The following KHDRBS2 variants were observed in gnomAD, a reference collection of about 807,000 sequenced individuals.
The protein encoded by KHDRBS2 is KH RNA binding domain containing, signal transduction associated 2.
KHDRBS2 carries 26 observed loss-of-function variants against 44.3 expected under a neutral mutation model. That is an observed-to-expected ratio of 0.59 (90% CI 0.43 to 0.81). The LOEUF (loss-of-function observed/expected upper bound fraction) is 0.81. Ranked by LOEUF, KHDRBS2 falls within the 40% of genes least tolerant of loss-of-function variation. The pLI is 0.00. For synonymous variants in KHDRBS2, 194 were observed against 151.1 expected, an observed-to-expected ratio of 1.28 and a Z score of -2.08; for missense variants, 476 against 433.1, an observed-to-expected ratio of 1.10 and a Z score of -0.88.
intron 4 of KHDRBS2, among the ~76,000 whole-genome samples, chr6:61,922,690 G>A (rs562850343): frequency 1.2e-3 from 187 of 152,176 alleles, no homozygotes; most frequent in Non-Finnish European, 2.0e-3. Context: ...ATCAGTGATA[G>A]GGAATAATTA....
chr6:61,967,406 GA>G (rs1484022124), intron 4 of KHDRBS2, among the ~76,000 whole-genome samples: 3 of 20,760 alleles, frequency 1.4e-4, no homozygotes, highest in Non-Finnish European at 2.9e-4. Flanking sequence ...ATAGATGATA[GA>G]TAGATAGACA....
chr6:62,159,557 A>AATTATGTAG (rs1817184065), intron 2 of KHDRBS2, among the ~76,000 whole-genome samples: 4 of 152,120 alleles, frequency 2.6e-5, no homozygotes, highest in Admixed American at 2.6e-4. Flanking sequence ...GAGACTACAT[A>AATTATGTAG]ATTAAAGTTG....
intron 3 of KHDRBS2, among the ~76,000 whole-genome samples, chr6:61,983,200 T>TTTTCTTTATTTC (rs1774251673): frequency 2.2e-5 from 1 of 45,988 alleles, no homozygotes; most frequent in Non-Finnish European, 3.8e-5. Flanking sequence ...GTTTTTTTCA[T>TTTTCTTTATTTC]TTTCTTTCTT....
chr6:61,780,524 A>G (rs1782776371), intron 6 of KHDRBS2, among the ~76,000 whole-genome samples: 1 of 149,214 alleles, frequency 6.7e-6, no homozygotes, highest in African/African-American at 2.5e-5. Context: ...ATATAATAAA[A>G]TAAGCAAAAC....
intron 6 of KHDRBS2, among the ~76,000 whole-genome samples, chr6:61,771,624 C>T (rs1780925436): frequency 6.6e-6 from 1 of 152,138 alleles, no homozygotes; most frequent in South Asian, 2.1e-4. Flanking sequence ...ATCAATTCCA[C>T]AAGAAGAGCT....
intron 1 of KHDRBS2, among the ~76,000 whole-genome samples, chr6:62,210,565 A>G (rs182177870): frequency 2.5e-3 from 376 of 152,124 alleles, no homozygotes; most frequent in Non-Finnish European, 2.7e-3. Flanking sequence ...TCCTGACCTC[A>G]GGTGATCCGC....
the KHDRBS2 span, among the ~76,000 whole-genome samples, chr6:61,618,891 A>C: frequency 6.6e-6 from 1 of 152,150 alleles, no homozygotes; most frequent in Non-Finnish European, 1.5e-5. Flanking sequence ...GCTCTTTCTC[A>C]AATGCGTTAT....
intron 6 of KHDRBS2, among the ~76,000 whole-genome samples, chr6:61,867,074 C>T (rs113381951): frequency 0.01 from 1,598 of 152,292 alleles, 30 homozygotes; most frequent in African/African-American, 0.037. Flanking sequence ...GGTATCTTTT[C>T]AGCAGAGCCC....
rs1378227439 is a variant in KHDRBS2 at position 61,699,847 on chromosome 6, C to T, written c.894-2594G>A. Among the ~76,000 whole-genome samples the T allele has an allele frequency of 2.0e-5, 3 of 152,034 alleles. No homozygotes were observed. In the East Asian group the frequency reaches 5.8e-4, roughly 30 times the overall value. On this transcript the variant is annotated intron_variant, in intron 7 of 8. Coordinates refer to ENST00000281156, the MANE Select transcript of KHDRBS2 (RefSeq NM_152688.4). ...ATTGCCTAGCTCAGCCCTCACTGCC[C>T]AACATGTTTACATTCAAACTGTCTA... is the stretch of plus-strand genomic sequence containing the variant.
At chr6:61,864,003 G>C (rs1797415219) in intron 6 of KHDRBS2, among the ~76,000 whole-genome samples, 1 of 152,066 alleles carries the variant, frequency 6.6e-6, no homozygotes, top group Non-Finnish European at 1.5e-5. Flanking sequence ...AAGATAGTTA[G>C]GTTTTTTTGT....
At chr6:62,048,236 A>G (rs1788175179) in intron 2 of KHDRBS2, among the ~76,000 whole-genome samples, 1 of 151,928 alleles carries the variant, frequency 6.6e-6, no homozygotes. Context: ...TGCCAAAGTG[A>G]AAAGTATGTT....
At chr6:61,870,077 G>A (rs1798441508) in intron 6 of KHDRBS2, among the ~76,000 whole-genome samples, 1 of 151,486 alleles carries the variant, frequency 6.6e-6, no homozygotes, top group African/African-American at 2.4e-5. Flanking sequence ...GGAGCCAAGT[G>A]GTCTGGCTCA....
intron 2 of KHDRBS2, among the ~76,000 whole-genome samples, chr6:62,094,863 T>A (rs1584660150): frequency 6.6e-6 from 1 of 151,914 alleles, no homozygotes; most frequent in Non-Finnish European, 1.5e-5. Context: ...CCAAAATAAG[T>A]GGACTGTAGA....
intron 3 of KHDRBS2, among the ~76,000 whole-genome samples, chr6:61,999,955 T>C (rs1255223909): frequency 6.6e-6 from 1 of 152,156 alleles, no homozygotes; most frequent in Non-Finnish European, 1.5e-5. Flanking sequence ...CCCACTACTA[T>C]AATAGCAAAA....
chr6:61,954,768 A>G (rs1330577902), intron 4 of KHDRBS2, among the ~76,000 whole-genome samples: 1 of 112,840 alleles, frequency 8.9e-6, no homozygotes, highest in African/African-American at 3.1e-5. Context: ...ATGTATGTAT[A>G]CATACATATG....
chr6:61,839,134 C>A (rs1465685994), intron 6 of KHDRBS2, among the ~76,000 whole-genome samples: 1 of 152,024 alleles, frequency 6.6e-6, no homozygotes, highest in African/African-American at 2.4e-5. Flanking sequence ...GTGGGGGAAA[C>A]CACAGAAACT....
chr6:62,234,417 T>C (rs1833378320), intron 1 of KHDRBS2, among the ~76,000 whole-genome samples: 1 of 152,128 alleles, frequency 6.6e-6, no homozygotes, highest in South Asian at 2.1e-4. Context: ...CAGTCGGAAA[T>C]ACTTAGAGAA....
intron 4 of KHDRBS2, among the ~76,000 whole-genome samples, chr6:61,912,316 G>T (rs894469959): frequency 3.9e-5 from 6 of 152,056 alleles, no homozygotes; most frequent in African/African-American, 7.2e-5. Context: ...AAAATGAAAA[G>T]AACACAGATT....
In KHDRBS2 at chr6:62,284,835, C is replaced by G. The variant is rs1156607101; in HGVS notation, c.91+1023G>C. Among the ~76,000 whole-genome samples, 3 of 152,164 alleles carry G rather than the reference C, an allele frequency of 2.0e-5. No homozygotes were observed. The East Asian group carries it at 5.8e-4, about 29-fold the overall frequency. On this transcript the variant is annotated intron_variant, in intron 1 of 8. Transcript: ENST00000281156. ...TTATTCTTCCTTGGTACAACTAAGT[C>G]TCAAAAAAATCTTTTAATACTGAGG...
Sources: gnomAD v4.1 joint callset for allele counts (sites outside exome capture counted in the v4.1 genomes callset) on GRCh38, gnomAD v4.1.1 for gene constraint, MANE v1.5 for transcripts, NCBI Gene and HGNC (gene_info 2026-07-23, HGNC 2026-07-21) for gene names.